The following SDCCAG8 variants were observed in gnomAD, a reference collection of about 807,000 sequenced individuals.
SDCCAG8 encodes the protein serologically defined colon cancer antigen 8.
Under a neutral mutation model 101.8 loss-of-function variants are expected in SDCCAG8, and 74 were observed. That is an observed-to-expected ratio of 0.73 (90% CI 0.60 to 0.88). The LOEUF is 0.88. SDCCAG8 is among the 40% of genes least tolerant of loss of function. The pLI is 0.00. For synonymous variants in SDCCAG8, 281 were observed against 292.9 expected (o/e 0.96, Z 0.41); for missense variants, 787 against 822.6 (o/e 0.96, Z 0.53).
At chr1:243,428,630 T>C (rs1318727205) in intron 16 of SDCCAG8, among the ~76,000 whole-genome samples, 1 of 152,246 alleles carries the variant, frequency 6.6e-6, no homozygotes, top group Admixed American at 6.5e-5. Flanking sequence ...CATCTGTAGA[T>C]ACTGGTCTTT....
chr1:243,403,748 C>A (rs890329765), intron 13 of SDCCAG8, among the ~76,000 whole-genome samples: 1 of 152,174 alleles, frequency 6.6e-6, no homozygotes, highest in Non-Finnish European at 1.5e-5. Context: ...GTCACTGTCT[C>A]CCGTCACCCC....
At chr1:243,352,956 T>C (rs949991790) in intron 12 of SDCCAG8, among the ~76,000 whole-genome samples, 2 of 152,224 alleles carry the variant, frequency 1.3e-5, no homozygotes, top group Non-Finnish European at 2.9e-5. Flanking sequence ...AAGTTAGATT[T>C]TGAGAACAGC....
At chr1:243,349,833 T>C (rs967145402) in intron 12 of SDCCAG8, among the ~76,000 whole-genome samples, 1 of 136,796 alleles carries the variant, frequency 7.3e-6, no homozygotes, top group Non-Finnish European at 1.6e-5. Context: ...AGCGTCTTTC[T>C]TTTTTTTTTT....
intron 15 of SDCCAG8, among the ~76,000 whole-genome samples, chr1:243,425,397 G>A (rs1007744262): frequency 1.2e-4 from 19 of 152,070 alleles, no homozygotes; most frequent in Admixed American, 2.0e-4. Context: ...CTCCATACAC[G>A]TGAGCAGCCT....
chr1:243,498,085 C>T (rs1354808415), intron 17 of SDCCAG8, among the ~76,000 whole-genome samples: 2 of 152,204 alleles, frequency 1.3e-5, no homozygotes, highest in African/African-American at 4.8e-5. Flanking sequence ...AGAGCGAGGC[C>T]ACCAGGCCAC....
intron 12 of SDCCAG8, among the ~76,000 whole-genome samples, chr1:243,355,154 G>T (rs1040723851): frequency 6.6e-6 from 1 of 152,212 alleles, no homozygotes; most frequent in Non-Finnish European, 1.5e-5. Flanking sequence ...TACTTAAGTG[G>T]ATTTGTTACA....
In SDCCAG8 at chr1:243,301,112, G is replaced by A. The variant is rs149683593; in HGVS notation, c.676-3601G>A. On this transcript the variant is annotated intron_variant, in intron 6 of 17. Transcript: ENST00000366541. ...ATGTACACTATCACAGACTGTACAC[G>A]GAGTCATTCTCAGGAGGAATGCAAA... Among the ~76,000 whole-genome samples the A allele has an allele frequency of 1.7e-3, 260 of 152,006 alleles. 1 individual carries two copies. Among genetic ancestry groups the A allele is most frequent in the African/African-American group, 6.0e-3 (247 of 41,424 alleles).
intron 13 of SDCCAG8, among the ~76,000 whole-genome samples, chr1:243,411,913 T>C (rs1049031077): frequency 4.6e-5 from 7 of 152,220 alleles, no homozygotes; most frequent in Admixed American, 1.3e-4. Context: ...TCTTTTTTAC[T>C]CAGTGTTTTG....
chr1:243,379,801 A>G (rs1041038884), intron 13 of SDCCAG8, among the ~76,000 whole-genome samples: 1 of 152,222 alleles, frequency 6.6e-6, no homozygotes, highest in Admixed American at 6.5e-5. Context: ...TGGTCTTCCA[A>G]TCATAGTAAT....
chr1:243,398,416 A>G (rs993988884), intron 13 of SDCCAG8, among the ~76,000 whole-genome samples: 2 of 152,168 alleles, frequency 1.3e-5, no homozygotes, highest in African/African-American at 4.8e-5. Context: ...TTTTGAAGGA[A>G]AAATGGTTAG....
At chr1:243,466,511 G>A (rs1558507379) in intron 16 of SDCCAG8, among the ~76,000 whole-genome samples, 1 of 152,144 alleles carries the variant, frequency 6.6e-6, no homozygotes, top group African/African-American at 2.4e-5. Context: ...ACTTAACATG[G>A]GAGTAAACTT....
intron 16 of SDCCAG8, among the ~76,000 whole-genome samples, chr1:243,470,734 A>T (rs1341355816): frequency 1.3e-5 from 2 of 152,148 alleles, no homozygotes. Flanking sequence ...AGAAGAGAAG[A>T]AATAGATTCA....
At chr1:243,332,136 C>G (rs962969609) in intron 10 of SDCCAG8, among the ~76,000 whole-genome samples, 1 of 152,102 alleles carries the variant, frequency 6.6e-6, no homozygotes, top group Non-Finnish European at 1.5e-5. Context: ...TGGAAAGCAT[C>G]GCACTTTCTA....
At chr1:243,283,402 TA>T (rs2069253449) in intron 4 of SDCCAG8, among the ~76,000 whole-genome samples, 4 of 9,228 alleles carry the variant, frequency 4.3e-4, no homozygotes, top group Non-Finnish European at 2.1e-3. Flanking sequence ...CCTGTTTATT[TA>T]TATATATATA....
chr1:243,403,002 C>T (rs1012173161), intron 13 of SDCCAG8, among the ~76,000 whole-genome samples: 1 of 152,042 alleles, frequency 6.6e-6, no homozygotes, highest in Non-Finnish European at 1.5e-5. Context: ...CCATCTTTGC[C>T]GTTATATGTT....
chr1:243,259,337 G>T (rs930657628), intron 1 of SDCCAG8, among the ~76,000 whole-genome samples: 1 of 151,984 alleles, frequency 6.6e-6, no homozygotes, highest in Non-Finnish European at 1.5e-5. Context: ...AACCCAGGAG[G>T]TGGAGCTTGC....
At chr1:243,453,357 T>C (rs1208662917) in intron 16 of SDCCAG8, among the ~76,000 whole-genome samples, 1 of 152,186 alleles carries the variant, frequency 6.6e-6, no homozygotes, top group Non-Finnish European at 1.5e-5. Context: ...AGTCCAGGTC[T>C]CCTGACTCGG....
intron 15 of SDCCAG8, among the ~76,000 whole-genome samples, chr1:243,423,993 T>A (rs1558448028): frequency 6.6e-6 from 1 of 152,120 alleles, no homozygotes; most frequent in African/African-American, 2.4e-5. Context: ...GGTGGTAGTA[T>A]CTGGTTTTGT....
Position 243,482,074 on chromosome 1 carries a change from A to G in SDCCAG8, c.1986-6940A>G, listed in dbSNP as rs139519718. 3.1e-3 allele frequency among the ~76,000 whole-genome samples: 473 copies of G among 152,354 alleles called. 2 individuals carry two copies. Among genetic ancestry groups the G allele is most frequent in the African/African-American group, 0.011 (459 of 41,576 alleles). ...TTGTATGTATCACATACAACATAAA[A>G]AAATTTAAATCTATGTATTCACTTG... On this transcript the variant is annotated intron_variant, in intron 16 of 17. Coordinates refer to ENST00000366541, the MANE Select transcript of SDCCAG8 (RefSeq NM_006642.5).
Sources: allele counts gnomAD v4.1 joint callset (sites outside exome capture counted in the v4.1 genomes callset), GRCh38; gene constraint gnomAD v4.1.1; transcripts MANE v1.5; gene names NCBI Gene and HGNC (gene_info 2026-07-23, HGNC 2026-07-21).